Variants in ZNF385D observed in about 807,000 individuals in gnomAD.
ZNF385D encodes zinc finger protein 385D.
A neutral mutation model predicts 35.8 loss-of-function variants in ZNF385D; 15 were observed. The ratio of observed to expected loss-of-function variants is 0.42; its 90% confidence interval spans 0.28 to 0.64. The LOEUF (loss-of-function observed/expected upper bound fraction) is 0.64, where lower values mean the gene tolerates loss of function less well. Among genes scored for constraint, ZNF385D ranks in the 30% least tolerant of loss-of-function variants. The pLI is 0.23. For missense variants in ZNF385D, 474 were observed against 494.6 expected, an observed-to-expected ratio of 0.96 and a Z score of 0.39; for synonymous variants, 212 against 186.8, an observed-to-expected ratio of 1.13 and a Z score of -1.10.
intron 3 of ZNF385D, among the ~76,000 whole-genome samples, chr3:21,912,821 G>T (rs566161083): frequency 6.6e-6 from 1 of 151,934 alleles, no homozygotes; most frequent in South Asian, 2.1e-4. Flanking sequence ...GGTCATTATT[G>T]GTCCCTTTAT....
Position 21,706,857 on chromosome 3 carries a change from T to C in ZNF385D, c.23-41829A>G, listed in dbSNP as rs946035804. Among the ~76,000 whole-genome samples, 7 of 151,140 alleles carry C rather than the reference T, an allele frequency of 4.6e-5. No homozygotes were observed. The South Asian group carries it at 1.3e-3, about 27-fold the overall frequency. ...ATAGATAGATAGATAGATAGATAAA[T>C]AGATTAGACAGATAAATTCTAATCA... On this transcript the variant is annotated intron_variant, in intron 1 of 7. Transcript: ENST00000281523.
intron 3 of ZNF385D, among the ~76,000 whole-genome samples, chr3:21,910,257 T>G (rs949151486): frequency 2.6e-5 from 4 of 152,022 alleles, no homozygotes; most frequent in African/African-American, 9.7e-5. Flanking sequence ...TGCCAGGCAT[T>G]ATATCTGTTC....
intron 2 of ZNF385D, among the ~76,000 whole-genome samples, chr3:22,290,026 G>C (rs979670056): frequency 6.6e-6 from 1 of 152,144 alleles, no homozygotes; most frequent in Non-Finnish European, 1.5e-5. Context: ...TCAATCTTGA[G>C]AGAAGTCCCT....
intron 1 of ZNF385D, among the ~76,000 whole-genome samples, chr3:21,748,312 C>A (rs1295093956): frequency 2.0e-5 from 3 of 150,668 alleles, no homozygotes; most frequent in Non-Finnish European, 4.4e-5. Flanking sequence ...CTGACTCCAA[C>A]TAAGCAAGGG....
intron 2 of ZNF385D, among the ~76,000 whole-genome samples, chr3:22,200,376 C>T (rs986840592): frequency 2.0e-5 from 3 of 151,934 alleles, no homozygotes; most frequent in African/African-American, 7.2e-5. Context: ...TTCCATGATG[C>T]CCCACAAGCC....
rs560982379 is a variant in ZNF385D, at chr3:21,787,944, C to CAAAAAAAAAAAAA, written c.326-122929_326-122917dup. ...GCGACAGAGCGAGACTTCGTCTCAACAAAAAAAAAAAAAAAAAAAAAAAAA... is the reference window on the plus strand; with the variant it reads ...GCGACAGAGCGAGACTTCGTCTCAACAAAAAAAAAAAAAAAAAAAAAAAAAAAAAAAAAAAAAA... On this transcript the variant is annotated intron_variant, in intron 3 of 5. Transcript: ENST00000494108. 7.7e-4 allele frequency among the ~76,000 whole-genome samples: 58 copies of CAAAAAAAAAAAAA among 75,376 alleles called. 3 individuals are homozygous for CAAAAAAAAAAAAA. Among genetic ancestry groups the CAAAAAAAAAAAAA allele is most frequent in the Middle Eastern group, 9.4e-3 (1 of 106 alleles). The allele number at this position is 75,376 out of a possible 152,430, so 49.4% of individuals were successfully genotyped here.
At chr3:22,255,744 T>C (rs934538610) in intron 2 of ZNF385D, among the ~76,000 whole-genome samples, 1 of 151,890 alleles carries the variant, frequency 6.6e-6, no homozygotes, top group Non-Finnish European at 1.5e-5. Flanking sequence ...TCACTAATAG[T>C]TTGTATTTAT....
intron 3 of ZNF385D, among the ~76,000 whole-genome samples, chr3:21,896,638 G>A (rs73042642): frequency 0.075 from 11,400 of 152,142 alleles, 598 homozygotes; most frequent in Middle Eastern, 0.13. Flanking sequence ...CAAATTGTGT[G>A]ATTTTAGAGC....
chr3:22,301,834 G>C (rs1463095837), intron 2 of ZNF385D, among the ~76,000 whole-genome samples: 2 of 151,988 alleles, frequency 1.3e-5, no homozygotes, highest in Non-Finnish European at 2.9e-5. Context: ...TTGTCCTGTT[G>C]ATTTTTAAAA....
At chr3:21,660,101 CTCTCTCTCTG>C (rs774944480) in intron 2 of ZNF385D, among the ~76,000 whole-genome samples, 97 of 152,108 alleles carry the variant, frequency 6.4e-4, no homozygotes, top group African/African-American at 2.2e-3. Context: ...CTTGATCTCT[CTCTCTCTCTG>C]TCTCTCTCTC....
At chr3:22,239,857 C>G (rs1178191913) in intron 2 of ZNF385D, among the ~76,000 whole-genome samples, 1 of 150,556 alleles carries the variant, frequency 6.6e-6, no homozygotes, top group African/African-American at 2.5e-5. Flanking sequence ...AATTCTCAAG[C>G]ACATAGAACG....
intron 3 of ZNF385D, among the ~76,000 whole-genome samples, chr3:21,908,108 C>A (rs1392295184): frequency 2.1e-5 from 3 of 145,798 alleles, no homozygotes; most frequent in Non-Finnish European, 4.5e-5. Flanking sequence ...ATCTATATAT[C>A]TTTCTCTCTA....
At chr3:22,134,729 A>G (rs965491941) in intron 3 of ZNF385D, among the ~76,000 whole-genome samples, 9 of 152,206 alleles carry the variant, frequency 5.9e-5, no homozygotes, top group Non-Finnish European at 1.3e-4. Flanking sequence ...GAGAAGTCCA[A>G]GATTGAGGGT....
At chr3:22,059,334 T>C (rs1699574882) in intron 3 of ZNF385D, among the ~76,000 whole-genome samples, 2 of 150,882 alleles carry the variant, frequency 1.3e-5, no homozygotes, top group Admixed American at 6.6e-5. Context: ...AGTCTGGGTG[T>C]TGGCATTTCT....
At chr3:21,885,043 C>T (rs546524051) in intron 3 of ZNF385D, among the ~76,000 whole-genome samples, 1 of 151,998 alleles carries the variant, frequency 6.6e-6, no homozygotes, top group South Asian at 2.1e-4. Context: ...GTCCATGAAT[C>T]CTAAATTAGT....
chr3:21,621,303 A>G (rs1401977127), intron 2 of ZNF385D, among the ~76,000 whole-genome samples: 1 of 152,156 alleles, frequency 6.6e-6, no homozygotes, highest in East Asian at 1.9e-4. Context: ...CTATTAAAGT[A>G]AATGGAATTA....
At chr3:22,070,052 T>C (rs1452422695) in intron 3 of ZNF385D, among the ~76,000 whole-genome samples, 1 of 152,194 alleles carries the variant, frequency 6.6e-6, no homozygotes, top group Non-Finnish European at 1.5e-5. Context: ...TTCTGAATTG[T>C]ATGCTGACAT....
intron 3 of ZNF385D, among the ~76,000 whole-genome samples, chr3:21,807,305 G>C (rs1032157846): frequency 6.6e-6 from 1 of 152,072 alleles, no homozygotes; most frequent in African/African-American, 2.4e-5. Flanking sequence ...TATTTTTCAA[G>C]TGTTTTAATA....
chr3:22,320,715 TTC>T (rs1334682061), intron 2 of ZNF385D, among the ~76,000 whole-genome samples: 19 of 151,478 alleles, frequency 1.3e-4, no homozygotes, highest in Non-Finnish European at 1.3e-4. Context: ...CATGTCTACT[TTC>T]TTTGAGGAAT....
Sources: gnomAD v4.1 joint callset for allele counts (sites outside exome capture counted in the v4.1 genomes callset) on GRCh38, gnomAD v4.1.1 for gene constraint, MANE v1.5 for transcripts, NCBI Gene and HGNC (gene_info 2026-07-23, HGNC 2026-07-21) for gene names.